The following NTNG1 variants were observed in gnomAD, a reference collection of about 807,000 sequenced individuals.
NTNG1 encodes netrin-G1.
In NTNG1, 16 loss-of-function variants were observed where a neutral mutation model predicts 54.0. The observed-to-expected ratio is 0.30, with a 90% CI of 0.20 to 0.45. NTNG1 has a LOEUF of 0.45. Ranked by LOEUF, NTNG1 falls within the 20% of genes least tolerant of loss-of-function variation. The probability of loss-of-function intolerance (pLI) is 1.00; values close to 1 mark genes in which losing one functional copy is unlikely to be tolerated. For synonymous variants in NTNG1, 255 were observed against 263.1 expected (o/e 0.97, Z 0.30); for missense variants, 530 against 678.7 (o/e 0.78, Z 2.43).
intron 2 of NTNG1, among the ~76,000 whole-genome samples, chr1:107,236,670 G>T (rs1004554506): frequency 1.3e-5 from 2 of 152,198 alleles, no homozygotes; most frequent in African/African-American, 2.4e-5. Flanking sequence ...ATTGACTCAT[G>T]TGGGCAGGTC....
chr1:107,168,185 T>C (rs1488006709), intron 2 of NTNG1, among the ~76,000 whole-genome samples: 1 of 151,958 alleles, frequency 6.6e-6, no homozygotes, highest in Non-Finnish European at 1.5e-5. Flanking sequence ...ATTTCCTTCC[T>C]TCCTTCTTTC....
At position 107,430,765 on chromosome 1, in the gene NTNG1, G is replaced by T; in HGVS notation, c.1103G>T (p.Gly368Val). 1 of 1,613,126 alleles carries T rather than the reference G, an allele frequency of 6.2e-7. No homozygotes were observed. Residue 368 changes from glycine to valine, a missense_variant, in exon 6 of 8, where the codon GGC (glycine) becomes GTC (valine). Gly to Val is a moderately radical substitution (Grantham distance 109). This residue lies in a region of NTNG1 where 318 missense variants were observed against 465.1 expected (regional missense o/e 0.68). Transcript: ENST00000370068. ...ISSIGNCECF[G>V]HSNRCSYIDL... is the part of the protein sequence containing the mutation. ...TCCTTGCAAGATTGTGAATGCTTCG[G>T]CCACTCCAATCGATGCAGTTATATC...
intron 2 of NTNG1, among the ~76,000 whole-genome samples, chr1:107,262,679 G>A (rs1396408622): frequency 2.0e-5 from 3 of 152,192 alleles, no homozygotes; most frequent in South Asian, 2.1e-4. Context: ...GTTGAAAATC[G>A]CTTATGTTGA....
At chr1:107,269,733 T>C (rs898933898) in intron 2 of NTNG1, among the ~76,000 whole-genome samples, 1 of 152,252 alleles carries the variant, frequency 6.6e-6, no homozygotes, top group Non-Finnish European at 1.5e-5. Context: ...AAGATTCTTA[T>C]GGTTGTAAAC....
chr1:107,214,624 T>C (rs959827589), intron 2 of NTNG1, among the ~76,000 whole-genome samples: 1 of 152,212 alleles, frequency 6.6e-6, no homozygotes, highest in Non-Finnish European at 1.5e-5. Flanking sequence ...TCTTTTCCTC[T>C]GGGTGGATAC....
Position 107,148,301 on chromosome 1 carries a change from A to G in NTNG1, c.-293A>G, listed in dbSNP as rs17505369. On this transcript the variant is annotated 5_prime_UTR_variant, in exon 2 of 8. Transcript: ENST00000370068. ...AAAAACCAAACTAGACCTGAGTCTA[A>G]TAGATATGTTCTAAGACAAAGAAAA... 15,656 of 285,200 alleles carry G rather than the reference A, an allele frequency of 0.055. 560 individuals carry two copies. The highest frequency in any genetic ancestry group is 0.074 in the Non-Finnish European group (11,219 of 151,542). 17.7% of individuals were successfully genotyped at this position (285,200 alleles called of 1,614,324 possible). A position where few individuals can be genotyped will look rare whatever the true frequency, so the allele number is the denominator to read the frequency against.
intron 2 of NTNG1, among the ~76,000 whole-genome samples, chr1:107,223,211 A>G (rs1244800495): frequency 1.3e-5 from 2 of 151,914 alleles, no homozygotes; most frequent in African/African-American, 4.8e-5. Flanking sequence ...AATGGTATCT[A>G]CCTTTTGTAG....
intron 3 of NTNG1, among the ~76,000 whole-genome samples, chr1:107,360,640 A>G (rs1157943869): frequency 6.6e-6 from 1 of 152,198 alleles, no homozygotes; most frequent in African/African-American, 2.4e-5. Flanking sequence ...GAATTCTGAA[A>G]AGTATTTGCA....
At chr1:107,226,384 A>G (rs72699308) in intron 2 of NTNG1, among the ~76,000 whole-genome samples, 6,367 of 152,236 alleles carry the variant, frequency 0.042, 137 homozygotes, top group Non-Finnish European at 0.052. Flanking sequence ...GATAAATGCC[A>G]TGTTCATGTT....
rs193132015 is a variant in NTNG1 at position 107,356,775 on chromosome 1, G to A, written c.887+31853G>A. ...CCCAACACTTTGGGAGGCCAAGGCT[G>A]GTAGATCACTTGAGTTCAGGAGTTT... On this transcript the variant is annotated intron_variant, in intron 3 of 7. Coordinates refer to ENST00000370068, the MANE Select transcript of NTNG1 (RefSeq NM_001113226.3). Among the ~76,000 whole-genome samples, 77 of 152,238 alleles carry A rather than the reference G, an allele frequency of 5.1e-4. 1 individual carries two copies. Among genetic ancestry groups the A allele is most frequent in the Admixed American group, 3.1e-3 (48 of 15,284 alleles).
In NTNG1 at chr1:107,354,236, T is replaced by C. The variant is rs1320481465; in HGVS notation, c.887+29314T>C. Among the ~76,000 whole-genome samples the C allele has an allele frequency of 4.5e-4, 69 of 152,006 alleles. 2 individuals are homozygous for C. The East Asian group carries it at 0.012, about 26-fold the overall frequency. On this transcript the variant is annotated intron_variant, in intron 3 of 7. Coordinates refer to ENST00000370068, the MANE Select transcript of NTNG1 (RefSeq NM_001113226.3). ...CTGTAATCCCAGCACTTTGGGAGGC[T>C]GAAGCGGGCAGATCATGAGGTCAAG...
chr1:107,461,998 A>G (rs181433582), intron 7 of NTNG1, among the ~76,000 whole-genome samples: 72 of 152,362 alleles, frequency 4.7e-4, no homozygotes, highest in African/African-American at 1.7e-3. Flanking sequence ...ACAGTAGACC[A>G]GGTAAGGGGT....
chr1:107,287,687 G>A (rs2101750636), intron 2 of NTNG1, among the ~76,000 whole-genome samples: 1 of 152,218 alleles, frequency 6.6e-6, no homozygotes, highest in East Asian at 1.9e-4. Flanking sequence ...TGAAGATAGG[G>A]AGTTTGACTT....
intron 2 of NTNG1, among the ~76,000 whole-genome samples, chr1:107,286,124 A>T (rs1315769295): frequency 6.6e-6 from 1 of 152,142 alleles, no homozygotes; most frequent in South Asian, 2.1e-4. Flanking sequence ...TGTAACTTCT[A>T]TATCAAATTC....
At chr1:107,181,697 G>C (rs4385741) in intron 2 of NTNG1, among the ~76,000 whole-genome samples, 12 of 151,906 alleles carry the variant, frequency 7.9e-5, no homozygotes, top group Non-Finnish European at 1.3e-4. Context: ...GCTGTACTGC[G>C]CTTCTTAATG....
intron 4 of NTNG1, among the ~76,000 whole-genome samples, chr1:107,397,331 C>G (rs1672744233): frequency 6.6e-6 from 1 of 152,204 alleles, no homozygotes; most frequent in African/African-American, 2.4e-5. Context: ...ATCTGCAGAT[C>G]TGCAGTGGTC....
At chr1:107,326,785 T>A (rs1474923706) in intron 3 of NTNG1, among the ~76,000 whole-genome samples, 1 of 151,270 alleles carries the variant, frequency 6.6e-6, no homozygotes, top group Non-Finnish European at 1.5e-5. Context: ...AGCATTTTGG[T>A]TGGGAAAAAC....
At chr1:107,414,290 T>A (rs572158625) in intron 5 of NTNG1, among the ~76,000 whole-genome samples, 1 of 152,144 alleles carries the variant, frequency 6.6e-6, no homozygotes, top group Admixed American at 6.5e-5. Flanking sequence ...ATTTTTCTCA[T>A]TCATGAAAAT....
At chr1:107,345,950 G>A (rs1669196010) in intron 3 of NTNG1, among the ~76,000 whole-genome samples, 2 of 152,078 alleles carry the variant, frequency 1.3e-5, no homozygotes, top group African/African-American at 4.8e-5. Flanking sequence ...TTTCTGAGAA[G>A]GGATTTCCTT....
Sources: gnomAD v4.1 joint callset for allele counts (sites outside exome capture counted in the v4.1 genomes callset) on GRCh38, gnomAD v4.1.1 for gene constraint, gnomAD v4.1.1 regional missense constraint, MANE v1.5 for transcripts, NCBI Gene and HGNC (gene_info 2026-07-23, HGNC 2026-07-21) for gene names.